Variants in ARHGAP21 observed in about 807,000 individuals in gnomAD.
ARHGAP21 encodes Rho GTPase activating protein 21.
A neutral mutation model predicts 164.6 loss-of-function variants in ARHGAP21; 38 were observed. The observed-to-expected ratio is 0.23, with a 90% CI of 0.18 to 0.30. ARHGAP21 has a LOEUF of 0.30. ARHGAP21 is among the 10% of genes least tolerant of loss of function. The pLI is 1.00. For synonymous variants in ARHGAP21, 766 were observed against 857.9 expected, an observed-to-expected ratio of 0.89 and a Z score of 1.87; for missense variants, 1,822 against 2,370.7, an observed-to-expected ratio of 0.77 and a Z score of 4.81.
chr10:24,699,374 G>A (rs1035118867), intron 2 of ARHGAP21, among the ~76,000 whole-genome samples: 4 of 151,756 alleles, frequency 2.6e-5, no homozygotes, highest in Admixed American at 2.0e-4. Context: ...CCCCAGGCTG[G>A]CGTGCAATGG....
At chr10:24,700,890 T>A (rs1314794997) in intron 2 of ARHGAP21, among the ~76,000 whole-genome samples, 1 of 152,164 alleles carries the variant, frequency 6.6e-6, no homozygotes. Context: ...CCCTAAAGTC[T>A]AGAGTGAGAC....
intron 4 of ARHGAP21, among the ~76,000 whole-genome samples, chr10:24,648,176 C>G (rs991167353): frequency 2.0e-5 from 3 of 152,134 alleles, no homozygotes; most frequent in African/African-American, 7.2e-5. Flanking sequence ...TCTCGTTTCT[C>G]TATTTGCCTT....
intron 2 of ARHGAP21, among the ~76,000 whole-genome samples, chr10:24,721,503 A>T (rs1255014921): frequency 6.6e-6 from 1 of 152,180 alleles, no homozygotes; most frequent in East Asian, 1.9e-4. Flanking sequence ...TCGGAAGGGG[A>T]CTGAAGGAAA....
Position 24,676,154 on chromosome 10 carries a change from A to C in ARHGAP21, c.64-5757T>G, listed in dbSNP as rs532134691. Among the ~76,000 whole-genome samples the C allele has an allele frequency of 2.0e-5, 3 of 152,330 alleles. No individual in the cohort carries two copies. The South Asian group carries it at 6.2e-4, about 32-fold the overall frequency. On this transcript the variant is annotated intron_variant, in intron 2 of 25. Coordinates refer to ENST00000396432, the MANE Select transcript of ARHGAP21 (RefSeq NM_020824.4). ...TAGAGAGAGACTCCGTGTCAGGGGG[A>C]AAAAACAAAAAACCCTAAAAAGTAA...
intron 4 of ARHGAP21, among the ~76,000 whole-genome samples, chr10:24,663,196 ACT>A (rs1304846250): frequency 1.3e-5 from 2 of 151,788 alleles, no homozygotes; most frequent in Non-Finnish European, 2.9e-5. Context: ...TATTATATTG[ACT>A]CTATATTTTC....
chr10:24,696,723 T>G (rs1843208174), intron 2 of ARHGAP21, among the ~76,000 whole-genome samples: 1 of 152,304 alleles, frequency 6.6e-6, no homozygotes, highest in South Asian at 2.1e-4. Flanking sequence ...AGAACTGCTA[T>G]GACAGACCAT....
intron 9 of ARHGAP21, among the ~76,000 whole-genome samples, chr10:24,609,890 C>G (rs1410069859): frequency 6.6e-6 from 1 of 152,174 alleles, no homozygotes; most frequent in African/African-American, 2.4e-5. Context: ...GTCACACTTT[C>G]AAATGACTTC....
At chr10:24,595,836 T>A (rs2076557099) in intron 18 of ARHGAP21, 41 bp from the exon 19 acceptor site, 1 of 1,598,120 alleles carries the variant, frequency 6.3e-7, no homozygotes, top group South Asian at 1.1e-5. Context: ...TCATATCCAG[T>A]TCCACCAAAG....
At position 24,620,227 on chromosome 10, in the gene ARHGAP21, G is replaced by A. The variant is rs1834404836; in HGVS notation, c.1668C>T (p.Ser556=). Residue 556 remains serine, a synonymous_variant, in exon 9 of 26, where the codon TCC becomes TCT. Coordinates refer to ENST00000396432, the MANE Select transcript of ARHGAP21 (RefSeq NM_020824.4). ...QQEIHKSFRG[S]NFTVAPSVVN... is the part of the protein sequence containing the mutation. Reference sequence around the variant, plus strand: ...CAACGCTTGGAGCCACAGTAAAATTGGAACCTCGAAAAGATTTATGAATTT... The same window carrying A: ...CAACGCTTGGAGCCACAGTAAAATTAGAACCTCGAAAAGATTTATGAATTT... 1.2e-6 allele frequency: 2 copies of A among 1,613,742 alleles called. No individual in the cohort carries two copies. Among genetic ancestry groups the A allele is most frequent in the African/African-American group, 2.7e-5 (2 of 74,866 alleles).
intron 2 of ARHGAP21, among the ~76,000 whole-genome samples, chr10:24,721,505 T>C (rs1441768810): frequency 6.6e-6 from 1 of 152,172 alleles, no homozygotes; most frequent in Non-Finnish European, 1.5e-5. Context: ...GGAAGGGGAC[T>C]GAAGGAAAAC....
chr10:24,603,043 C>T (rs779926957), intron 12 of ARHGAP21, among the ~76,000 whole-genome samples: 13 of 152,100 alleles, frequency 8.5e-5, no homozygotes, highest in East Asian at 1.9e-4. Flanking sequence ...ATCCAAGTGA[C>T]GGCAGCTGAC....
chr10:24,701,629 G>C (rs1050380709), intron 2 of ARHGAP21, among the ~76,000 whole-genome samples: 2 of 152,176 alleles, frequency 1.3e-5, no homozygotes, highest in Non-Finnish European at 2.9e-5. Context: ...AAGGAGGCCA[G>C]TGTGGTTAGA....
chr10:24,604,613 G>GA (rs1407806795), intron 11 of ARHGAP21, among the ~76,000 whole-genome samples: 1 of 151,938 alleles, frequency 6.6e-6, no homozygotes, highest in Non-Finnish European at 1.5e-5. Context: ...TTTTATCAAA[G>GA]AAAAAGCTAC....
chr10:24,647,954 C>T (rs1344650967), intron 4 of ARHGAP21, among the ~76,000 whole-genome samples: 1 of 152,180 alleles, frequency 6.6e-6, no homozygotes, highest in East Asian at 1.9e-4. Context: ...TCTCCTGCCT[C>T]AGCCTCCCAA....
intron 4 of ARHGAP21, among the ~76,000 whole-genome samples, chr10:24,665,336 T>C (rs1840085321): frequency 6.6e-6 from 1 of 152,056 alleles, no homozygotes; most frequent in Non-Finnish European, 1.5e-5. Context: ...TTCCTTCTCA[T>C]TTTAACTCAT....
At position 24,585,128 on chromosome 10, in the gene ARHGAP21, C is replaced by T. The variant is rs1592899404; in HGVS notation, c.5161G>A (p.Ala1721Thr). The T allele has an allele frequency of 1.2e-6, 2 of 1,612,986 alleles. No individual in the cohort carries two copies. Among genetic ancestry groups the T allele is most frequent in the Non-Finnish European group, 8.5e-7 (1 of 1,179,764 alleles). ...GAAGGTGCTTCTTTCTCATTCTTGGCATCTCCTAGACTTCCACTATCTGAC... is the reference window on the plus strand; with the variant it reads ...GAAGGTGCTTCTTTCTCATTCTTGGTATCTCCTAGACTTCCACTATCTGAC... ...FKSDSGSLGD[A>T]KNEKEAPSLT... Residue 1721 changes from alanine (A) to threonine (T), a missense_variant, in exon 26 of 26, where the codon GCC becomes ACC. Ala to Thr is a moderately conservative substitution (Grantham distance 58). Around this residue, in one of 5 missense-constraint regions of ARHGAP21, gnomAD observed 117 missense variants for 193.2 expected, o/e 0.61. Coordinates refer to ENST00000396432, the MANE Select transcript of ARHGAP21 (RefSeq NM_020824.4).
Position 24,607,835 on chromosome 10 carries a change from A to T in ARHGAP21, c.2491T>A (p.Ser831Thr). Residue 831 changes from serine (S) to threonine (T), a missense_variant, in exon 10 of 26, where the codon TCT becomes ACT. Physicochemically the swap from Ser to Thr is moderately conservative, Grantham distance 58. Coordinates refer to ENST00000396432, the MANE Select transcript of ARHGAP21 (RefSeq NM_020824.4). ...GCTATGGAGGGGACCTGAGAGGTAG[A>T]GGCTGATATAACAGCAGAGGCAGGG... Reference protein sequence around the residue: ...HIPASAVISASTSQVPSIATV... With the variant: ...HIPASAVISATTSQVPSIATV... 2 of 1,614,166 alleles carry T rather than the reference A, an allele frequency of 1.2e-6. No individual in the cohort carries two copies. Among genetic ancestry groups the T allele is most frequent in the South Asian group, 2.2e-5 (2 of 91,084 alleles).
intron 2 of ARHGAP21, among the ~76,000 whole-genome samples, chr10:24,679,617 G>A (rs1041975711): frequency 2.6e-5 from 4 of 152,158 alleles, no homozygotes; most frequent in African/African-American, 9.7e-5. Flanking sequence ...ATCCTTCACA[G>A]GACTTGGTAT....
intron 7 of ARHGAP21, among the ~76,000 whole-genome samples, chr10:24,624,337 C>CTTTTTTTTTTTTTT (rs565872094): frequency 6.8e-5 from 7 of 102,876 alleles, no homozygotes; most frequent in African/African-American, 1.6e-4. Context: ...TGTTCTAGAA[C>CTTTTTTTTTTTTTT]TTTTTTTTTT....
Sources: gnomAD v4.1 joint callset for allele counts (sites outside exome capture counted in the v4.1 genomes callset) on GRCh38, gnomAD v4.1.1 for gene constraint, gnomAD v4.1.1 regional missense constraint, MANE v1.5 for transcripts, NCBI Gene and HGNC (gene_info 2026-07-23, HGNC 2026-07-21) for gene names.